GRID2: variants seen among roughly 807,000 people sequenced by gnomAD.
GRID2 encodes the protein glutamate receptor ionotropic, delta-2.
Under a neutral mutation model 114.8 loss-of-function variants are expected in GRID2, and 33 were observed. That is an observed-to-expected ratio of 0.29 (90% CI 0.22 to 0.38). The LOEUF (loss-of-function observed/expected upper bound fraction) is 0.38, where lower values mean the gene tolerates loss of function less well. Ranked by LOEUF, GRID2 falls within the 10% of genes least tolerant of loss-of-function variation. The probability of loss-of-function intolerance (pLI) is 1.00; values close to 1 mark genes in which losing one functional copy is unlikely to be tolerated. For missense variants in GRID2, 1,184 were observed against 1,257.7 expected, an observed-to-expected ratio of 0.94 and a Z score of 0.89; for synonymous variants, 505 against 449.9, an observed-to-expected ratio of 1.12 and a Z score of -1.55.
At chr4:93,599,024 T>G (rs1249843231) in intron 13 of GRID2, among the ~76,000 whole-genome samples, 2 of 152,228 alleles carry the variant, frequency 1.3e-5, no homozygotes, top group Non-Finnish European at 2.9e-5. Context: ...TAATCTAGAC[T>G]AAGAAAATCA....
At chr4:92,868,873 AT>A (rs1384843752) in intron 2 of GRID2, among the ~76,000 whole-genome samples, 1 of 152,146 alleles carries the variant, frequency 6.6e-6, no homozygotes, top group Non-Finnish European at 1.5e-5. Context: ...TTCTATTTAT[AT>A]TGCTTAAAAG....
intron 4 of GRID2, among the ~76,000 whole-genome samples, chr4:93,157,155 AG>A (rs1737263345): frequency 6.6e-6 from 1 of 151,714 alleles, no homozygotes; most frequent in Non-Finnish European, 1.5e-5. Context: ...CTCAGTAAGA[AG>A]AAAATGTAGA....
chr4:93,470,753 A>G (rs1724725079), intron 11 of GRID2, among the ~76,000 whole-genome samples: 1 of 152,178 alleles, frequency 6.6e-6, no homozygotes, highest in Non-Finnish European at 1.5e-5. Context: ...TAATGCACAG[A>G]TGGCAGAAAG....
At chr4:93,412,138 G>A (rs948866792) in intron 9 of GRID2, among the ~76,000 whole-genome samples, 17 of 151,962 alleles carry the variant, frequency 1.1e-4, no homozygotes, top group African/African-American at 3.9e-4. Context: ...GCCCCAGGCT[G>A]GGTTCTGTGG....
intron 8 of GRID2, among the ~76,000 whole-genome samples, chr4:93,366,714 A>G (rs1468951355): frequency 6.6e-6 from 1 of 152,022 alleles, no homozygotes; most frequent in East Asian, 1.9e-4. Flanking sequence ...ACCTACCGAC[A>G]TGTGATGTCT....
intron 1 of GRID2, among the ~76,000 whole-genome samples, chr4:92,347,653 A>G (rs1727839103): frequency 6.6e-6 from 1 of 152,144 alleles, no homozygotes; most frequent in Admixed American, 6.6e-5. Flanking sequence ...AGATCTAAAA[A>G]CATTTACACT....
chr4:93,482,503 G>T (rs1039534166), intron 11 of GRID2, among the ~76,000 whole-genome samples: 1 of 151,754 alleles, frequency 6.6e-6, no homozygotes, highest in African/African-American at 2.4e-5. Flanking sequence ...ACATGGACAC[G>T]GAGGGAAACA....
At chr4:92,644,732 T>G (rs1731526115) in intron 2 of GRID2, among the ~76,000 whole-genome samples, 1 of 151,640 alleles carries the variant, frequency 6.6e-6, no homozygotes. Context: ...GTTTACTCTT[T>G]TTGTGAGGTC....
At chr4:92,417,489 C>T (rs1258119579) in intron 1 of GRID2, among the ~76,000 whole-genome samples, 1 of 151,994 alleles carries the variant, frequency 6.6e-6, no homozygotes, top group East Asian at 1.9e-4. Flanking sequence ...AAAGCAATTA[C>T]CCCCTGAGGA....
At chr4:92,723,453 A>C (rs1243064556) in intron 2 of GRID2, among the ~76,000 whole-genome samples, 1 of 152,124 alleles carries the variant, frequency 6.6e-6, no homozygotes, top group Non-Finnish European at 1.5e-5. Flanking sequence ...AATAATGAAC[A>C]AAAAAAGGTA....
intron 3 of GRID2, among the ~76,000 whole-genome samples, chr4:93,097,209 T>C (rs1731297872): frequency 1.3e-5 from 2 of 151,962 alleles, no homozygotes; most frequent in African/African-American, 2.4e-5. Context: ...TTTTGAGTGA[T>C]AGTAACAGTG....
chr4:93,608,511 T>C (rs1315195431), intron 13 of GRID2, among the ~76,000 whole-genome samples: 1 of 146,366 alleles, frequency 6.8e-6, no homozygotes, highest in Non-Finnish European at 1.5e-5. Context: ...CCTTCCTGTG[T>C]CCATGTGATC....
intron 13 of GRID2, among the ~76,000 whole-genome samples, chr4:93,602,193 G>C (rs143741925): frequency 4.6e-5 from 7 of 152,112 alleles, no homozygotes; most frequent in African/African-American, 1.7e-4. Flanking sequence ...GTTATTATAC[G>C]GGCAATTCTT....
chr4:93,251,718 G>A (rs956056041), intron 8 of GRID2, among the ~76,000 whole-genome samples: 4 of 151,966 alleles, frequency 2.6e-5, no homozygotes, highest in Non-Finnish European at 2.9e-5. Context: ...ATGAATACAC[G>A]TGGTTCTCAT....
At chr4:92,707,562 G>C (rs1735011626) in intron 2 of GRID2, among the ~76,000 whole-genome samples, 1 of 152,142 alleles carries the variant, frequency 6.6e-6, no homozygotes, top group Admixed American at 6.5e-5. Context: ...TCTAAAGAAT[G>C]CTAATGCAAT....
intron 2 of GRID2, among the ~76,000 whole-genome samples, chr4:92,722,013 T>C (rs564590024): frequency 6.6e-6 from 1 of 152,252 alleles, no homozygotes; most frequent in African/African-American, 2.4e-5. Flanking sequence ...TATTTAAACC[T>C]GAGAGGACTC....
At chr4:93,348,333 A>T (rs1169075038) in intron 8 of GRID2, among the ~76,000 whole-genome samples, 6 of 152,190 alleles carry the variant, frequency 3.9e-5, no homozygotes, top group Non-Finnish European at 8.8e-5. Flanking sequence ...TGCAAAACAC[A>T]TAGCAATGTA....
intron 8 of GRID2, among the ~76,000 whole-genome samples, chr4:93,392,889 T>A (rs1157699347): frequency 1.3e-5 from 2 of 152,064 alleles, no homozygotes; most frequent in African/African-American, 2.4e-5. Context: ...GTGATCTTAA[T>A]GAAGTCCTTA....
intron 14 of GRID2, among the ~76,000 whole-genome samples, chr4:93,763,693 G>T (rs1448669815): frequency 6.6e-6 from 1 of 152,186 alleles, no homozygotes; most frequent in South Asian, 2.1e-4. Flanking sequence ...CTCTACAGCA[G>T]TGAGATTGTG....
Sources: gnomAD v4.1 joint callset for allele counts (sites outside exome capture counted in the v4.1 genomes callset) on GRCh38, gnomAD v4.1.1 for gene constraint, MANE v1.5 for transcripts, NCBI Gene and HGNC (gene_info 2026-07-23, HGNC 2026-07-21) for gene names.